Variants in ACTR3C observed in about 807,000 individuals in gnomAD.
ACTR3C encodes actin-related protein 3C.
In ACTR3C, 18 loss-of-function variants were observed where a neutral mutation model predicts 26.3. The observed-to-expected ratio is 0.68, with a 90% confidence interval of 0.47 to 1.01. The LOEUF is 1.01. Among genes scored for constraint, ACTR3C ranks in the 50% least tolerant of loss-of-function variants. The pLI is 0.00. For synonymous variants in ACTR3C, 55 were observed against 94.5 expected, an observed-to-expected ratio of 0.58 and a Z score of 2.42; for missense variants, 184 against 250.7, an observed-to-expected ratio of 0.73 and a Z score of 1.80.
the ACTR3C span, among the ~76,000 whole-genome samples, chr7:150,165,070 C>T: frequency 2.6e-5 from 4 of 152,128 alleles, no homozygotes; most frequent in Admixed American, 6.5e-5. Flanking sequence ...TTAGGTGTGC[C>T]GCACTCCGAA....
the ACTR3C span, among the ~76,000 whole-genome samples, chr7:150,053,525 C>T: frequency 1.1e-3 from 170 of 152,322 alleles, 1 homozygote; most frequent in African/African-American, 3.9e-3. Flanking sequence ...GTCCTGCTTG[C>T]GGTATGGTCA....
the ACTR3C span, among the ~76,000 whole-genome samples, chr7:150,147,322 C>T: frequency 1.3e-5 from 2 of 151,830 alleles, no homozygotes; most frequent in Non-Finnish European, 2.9e-5. Flanking sequence ...ATACCAACAA[C>T]AGGGGAATAA....
chr7:150,195,593 G>T, the ACTR3C span, among the ~76,000 whole-genome samples: 4 of 143,742 alleles, frequency 2.8e-5, no homozygotes, highest in African/African-American at 9.0e-5. Flanking sequence ...ATCACTTCAG[G>T]GGGGGCCAGG....
chr7:150,169,505 A>C, the ACTR3C span, among the ~76,000 whole-genome samples: 1 of 150,250 alleles, frequency 6.7e-6, no homozygotes, highest in East Asian at 1.9e-4. Flanking sequence ...ATTCAGCAAG[A>C]AGCTTATCTG....
the ACTR3C span, among the ~76,000 whole-genome samples, chr7:150,129,725 T>G: frequency 0.19 from 29,231 of 151,006 alleles, 3,032 homozygotes; most frequent in African/African-American, 0.28. Context: ...AGATCTACAC[T>G]CAAATACACT....
chr7:150,293,277 C>A lies in ACTR3C; in HGVS notation c.153+35G>T, dbSNP rs1233923395. The A allele has an allele frequency of 3.9e-6, 6 of 1,540,114 alleles. No individual in the cohort carries two copies. In the Admixed American group the frequency reaches 1.1e-4, roughly 27 times the overall value. On this transcript the variant is annotated intron_variant, in intron 3 of 7. Transcript: ENST00000683684. ...TCCTTACCTCGAATCAGGTGTTAAG[C>A]CTACAGAGACTTATATATTAACTAT...
the ACTR3C span, among the ~76,000 whole-genome samples, chr7:150,098,519 A>G: frequency 6.6e-6 from 1 of 151,802 alleles, no homozygotes; most frequent in African/African-American, 2.4e-5. Flanking sequence ...CTCAAGCTAC[A>G]TGTGAGCCAT....
At chr7:149,908,379 A>G in the ACTR3C span, among the ~76,000 whole-genome samples, 8 of 152,192 alleles carry the variant, frequency 5.3e-5, no homozygotes, top group South Asian at 1.7e-3. Context: ...CATTCATGGC[A>G]GCAGAGCGTT....
intron 6 of ACTR3C, among the ~76,000 whole-genome samples, chr7:150,280,798 A>ATGTGTGTG (rs200924995): frequency 0.024 from 3,548 of 147,450 alleles, 89 homozygotes; most frequent in African/African-American, 0.053. Flanking sequence ...CCTGCTCTTG[A>ATGTGTGTG]TGTGTGTGTG....
At chr7:149,935,709 T>C in the ACTR3C span, among the ~76,000 whole-genome samples, 1 of 143,854 alleles carries the variant, frequency 7.0e-6, no homozygotes, top group Non-Finnish European at 1.5e-5. Context: ...GCAGCAATCA[T>C]GTTACCCTAA....
the ACTR3C span, among the ~76,000 whole-genome samples, chr7:150,093,789 C>T: frequency 6.6e-6 from 1 of 150,954 alleles, no homozygotes; most frequent in African/African-American, 2.5e-5. Flanking sequence ...TGCTATATCA[C>T]TCTTACCTGA....
the ACTR3C span, among the ~76,000 whole-genome samples, chr7:150,020,387 A>G: frequency 6.6e-6 from 1 of 152,106 alleles, no homozygotes; most frequent in East Asian, 1.9e-4. Context: ...CTTATCATAC[A>G]ACTTCTCTAG....
At chr7:150,140,809 T>C in the ACTR3C span, among the ~76,000 whole-genome samples, 2 of 152,234 alleles carry the variant, frequency 1.3e-5, no homozygotes, top group Admixed American at 6.5e-5. Flanking sequence ...GAGGAAGGCA[T>C]GTTGAAAGCT....
At chr7:149,964,521 G>T in the ACTR3C span, among the ~76,000 whole-genome samples, 1 of 152,142 alleles carries the variant, frequency 6.6e-6, no homozygotes, top group Non-Finnish European at 1.5e-5. Context: ...GGGTAAGAAG[G>T]GCATGGGCAG....
the ACTR3C span, among the ~76,000 whole-genome samples, chr7:150,037,395 T>A: frequency 4.0e-5 from 2 of 50,268 alleles, 1 homozygote; most frequent in African/African-American, 1.2e-4. Context: ...CCCTCTGCGA[T>A]GGGGGTCCTA....
At chr7:150,225,004 A>AGTGTGTGTGTGT in the ACTR3C span, among the ~76,000 whole-genome samples, 61 of 136,284 alleles carry the variant, frequency 4.5e-4, no homozygotes, top group Middle Eastern at 3.8e-3. Flanking sequence ...CACCCCCATT[A>AGTGTGTGTGTGT]GTGTGTGTGT....
At chr7:150,269,436 G>A (rs532898455) in intron 6 of ACTR3C, among the ~76,000 whole-genome samples, 1 of 149,720 alleles carries the variant, frequency 6.7e-6, no homozygotes, top group Non-Finnish European at 1.5e-5. Flanking sequence ...GGGCTCCCAC[G>A]CCCTCATCTG....
the ACTR3C span, among the ~76,000 whole-genome samples, chr7:150,150,505 G>T: frequency 0.03 from 4,442 of 147,350 alleles, 100 homozygotes; most frequent in South Asian, 0.052. Context: ...TGTTAGGGGA[G>T]TGAGTGCATT....
At chr7:150,310,883 A>G (rs1255770050) in intron 1 of ACTR3C, among the ~76,000 whole-genome samples, 1 of 152,080 alleles carries the variant, frequency 6.6e-6, no homozygotes, top group Admixed American at 6.5e-5. Context: ...CTCTACTCAA[A>G]AGGGTACCGA....
Sources: gnomAD v4.1 joint callset for allele counts (sites outside exome capture counted in the v4.1 genomes callset) on GRCh38, gnomAD v4.1.1 for gene constraint, MANE v1.5 for transcripts, NCBI Gene and HGNC (gene_info 2026-07-23, HGNC 2026-07-21) for gene names.